Variants in CTU2 observed in about 807,000 individuals in gnomAD.
CTU2 encodes the protein cytosolic thiouridylase subunit 2.
Under a neutral mutation model 64.1 loss-of-function variants are expected in CTU2, and 80 were observed. The ratio of observed to expected loss-of-function variants is 1.25; its 90% CI spans 1.04 to 1.50. The LOEUF (loss-of-function observed/expected upper bound fraction) is 1.50. Ranked by LOEUF, CTU2 falls within the 40% of genes most tolerant of loss-of-function variation. The probability of loss-of-function intolerance (pLI) is 0.00; values close to 1 mark genes in which losing one functional copy is unlikely to be tolerated. For synonymous variants in CTU2, 482 were observed against 285.3 expected, an observed-to-expected ratio of 1.69 and a Z score of -6.95; for missense variants, 1,110 against 690.2, an observed-to-expected ratio of 1.61 and a Z score of -6.81.
chr16:88,714,188 T>A lies in CTU2; in HGVS notation c.1058T>A (p.Leu353Gln). The A allele has an allele frequency of 2.5e-6, 4 of 1,612,624 alleles. No homozygotes were observed. Among genetic ancestry groups the A allele is most frequent in the Non-Finnish European group, 3.4e-6 (4 of 1,179,894 alleles). ...CTGATGGAGGCCTTCATCCTCAGGC[T>A]GCAGACCCAGTTCCCCTCCACTGTC... Reference protein sequence around the residue: ...HRLMEAFILRLQTQFPSTVST... With the variant: ...HRLMEAFILRQQTQFPSTVST... Residue 353 changes from leucine (L) to glutamine (Q), a missense_variant, in exon 10 of 15, where the codon CTG becomes CAG. Transcript: ENST00000453996.
chr16:88,707,237 TG>T lies in CTU2; in HGVS notation c.143+29del, dbSNP rs1478272515. 3.7e-6 allele frequency: 6 copies of T among 1,603,268 alleles called. No homozygotes were observed. In the African/African-American group the frequency reaches 8.0e-5, roughly 21 times the overall value. On this transcript the variant is annotated intron_variant, in intron 2 of 14. Transcript: ENST00000453996. The stretch of plus-strand genomic sequence containing the variant: ...TGAGGCCTGGAGGTGGCTGAGACCC[TG>T]GCAAACATGGCCTCGCTAGCAGACA...
rs757733656 is a variant in CTU2 at position 88,713,372 on chromosome 16, C to T, written c.798C>T (p.Asp266=). Reference sequence around the variant, plus strand: ...GCTACTCCAAGGTCATGACTGGGGACAGCTGCACACGCTTGGCTATCAAGC... The same window carrying T: ...GCTACTCCAAGGTCATGACTGGGGATAGCTGCACACGCTTGGCTATCAAGC... The part of the protein sequence containing the change: ...AHGYSKVMTG[D]SCTRLAIKLM... The change falls in exon 8 of 15, where the codon GAC becomes GAT. Residue 266 remains aspartate, a synonymous_variant. Transcript: ENST00000453996. 3 of 1,604,564 alleles carry T rather than the reference C, an allele frequency of 1.9e-6. No individual in the cohort carries two copies. Among genetic ancestry groups the T allele is most frequent in the Non-Finnish European group, 2.5e-6 (3 of 1,176,836 alleles).
In CTU2 at chr16:88,712,178, G is replaced by A. The variant is rs990548235; in HGVS notation, c.344-96G>A. The A allele has an allele frequency of 1.8e-5, 19 of 1,035,618 alleles. No individual in the cohort carries two copies. The East Asian group carries it at 2.3e-4, about 13-fold the overall frequency. The allele number at this position is 1,035,618 out of a possible 1,614,324, so 64.2% of individuals were successfully genotyped here. A position where few individuals can be genotyped will look rare whatever the true frequency, so the allele number is the denominator to read the frequency against. The stretch of plus-strand genomic sequence containing the variant: ...GCCAGGAAGCACCGCCCTGCGGAGC[G>A]AGGCCTCGAAGGGTTTTCCCAGGTG... On this transcript the variant is annotated intron_variant, in intron 5 of 14. Coordinates refer to ENST00000453996, the MANE Select transcript of CTU2 (RefSeq NM_001012759.3).
rs765186283 is a variant in CTU2, at chr16:88,712,925, C to A, written c.737+20C>A. The A allele has an allele frequency of 2.3e-6, 3 of 1,314,944 alleles. No individual in the cohort carries two copies. Among genetic ancestry groups the A allele is most frequent in the Non-Finnish European group, 3.0e-6 (3 of 1,014,910 alleles). 81.5% of individuals were successfully genotyped at this position (1,314,944 alleles called of 1,614,324 possible). A position where few individuals can be genotyped will look rare whatever the true frequency, so the allele number is the denominator to read the frequency against. On this transcript the variant is annotated intron_variant, in intron 7 of 14. Transcript: ENST00000453996. ...CCTGCGGTGAGGCCCCGAGAGCCCC[C>A]CTTCCCCGGGCCCTGACCCCCACTC...
chr16:88,709,229 C>G (rs971861157), intron 2 of CTU2: 1 of 152,302 alleles, frequency 6.6e-6, no homozygotes, highest in Admixed American at 6.5e-5. Context: ...CTGCAGTGAG[C>G]TATAACTGTG....
rs954349089 is a variant in CTU2, at chr16:88,706,579, C to T, written c.49C>T (p.Pro17Ser). ...DYGEPAPEEP[P>S]PAPRPSREQK... ...CGGGGAGCCGGCGCCTGAGGAGCCG[C>T]CCCCGGCGCCGCGGCCCAGGTAAGA... Residue 17 changes from proline to serine, a missense_variant, in exon 1 of 15, where the codon CCC becomes TCC. Physicochemically the swap from Pro to Ser is moderately conservative, Grantham distance 74. Transcript: ENST00000453996. The T allele has an allele frequency of 5.5e-6, 8 of 1,451,144 alleles. No homozygotes were observed. Among genetic ancestry groups the T allele is most frequent in the East Asian group, 3.0e-5 (1 of 33,278 alleles). The allele number at this position is 1,451,144 out of a possible 1,614,324, so 89.9% of individuals were successfully genotyped here.
In CTU2 at chr16:88,712,603, G is replaced by A. The variant is rs374375342; in HGVS notation, c.454-19G>A. The stretch of plus-strand genomic sequence containing the variant: ...TGCCCGTGTCCCGGGCCTCACTGGC[G>A]TCTCCCTCATCCCGGAAGGTGTTCA... On this transcript the variant is annotated intron_variant, in intron 6 of 14. Transcript: ENST00000453996. The A allele has an allele frequency of 3.6e-5, 57 of 1,604,626 alleles. No homozygotes were observed. The highest frequency in any genetic ancestry group is 1.3e-4 in the African/African-American group (10 of 74,814).
At chr16:88,710,056 C>G in intron 3 of CTU2, 40 bp downstream of exon 3, 1 of 1,603,764 alleles carries the variant, frequency 6.2e-7, no homozygotes, top group Non-Finnish European at 8.5e-7. Context: ...AGCAGCCTGG[C>G]CCCTCGAGGT....
intron 5 of CTU2, chr16:88,712,049 T>G (rs1255847083): frequency 8.8e-6 from 6 of 678,276 alleles, no homozygotes; most frequent in Admixed American, 8.5e-5. Context: ...TCCCCGACCC[T>G]TGCTCCTGCA....
intron 2 of CTU2, among the ~76,000 whole-genome samples, chr16:88,708,457 GGGCGCAGAGGCTCTCCTGGTCCAC>G (rs1302153231): frequency 6.6e-6 from 1 of 152,148 alleles, no homozygotes; most frequent in Non-Finnish European, 1.5e-5. Context: ...TGGTGGTGTA[GGGCGCAGAGGCTCTCCTGGTCCAC>G]AGTGCGGAGG....
At chr16:88,706,694 C>T (rs1910867331) in intron 1 of CTU2, 96 bp downstream of exon 1, 2 of 947,226 alleles carry the variant, frequency 2.1e-6, no homozygotes, top group African/African-American at 1.7e-5. Flanking sequence ...CGGGAAGCCC[C>T]GCGTGGAGAG....
intron 2 of CTU2, among the ~76,000 whole-genome samples, chr16:88,707,807 T>C (rs1357248749): frequency 3.3e-5 from 1 of 30,698 alleles, no homozygotes; most frequent in Non-Finnish European, 7.9e-5. Context: ...TTTGTTGTTG[T>C]TGTTGTTTTT....
rs191989745 is a variant in CTU2, at chr16:88,714,923, C to G, written c.1416C>G (p.Asp472Glu). The G allele has an allele frequency of 1.2e-5, 20 of 1,612,662 alleles. No homozygotes were observed. In the African/African-American group the frequency reaches 1.6e-4, roughly 13 times the overall value. ...ACAGCTGCCGCGTGAACATGAAGGA[C>G]TTGGTGAGTACGTGCCCACCTGTCC... Reference protein sequence around the residue: ...LCYSCRVNMKDLPSLDPLPPY... With the variant: ...LCYSCRVNMKELPSLDPLPPY... Residue 472 changes from aspartate to glutamate, a missense_variant, in exon 13 of 15, where the codon GAC becomes GAG. Physicochemically the swap from Asp to Glu is conservative, Grantham distance 45. Coordinates refer to ENST00000453996, the MANE Select transcript of CTU2 (RefSeq NM_001012759.3).
At position 88,713,743 on chromosome 16, in the gene CTU2, G is replaced by T; in HGVS notation, c.970G>T (p.Val324Phe). 6.2e-7 allele frequency: 1 copy of T among 1,612,690 alleles called. No homozygotes were observed. The highest frequency in any genetic ancestry group is 8.5e-7 in the Non-Finnish European group (1 of 1,179,898). ...EVAFYNRLFSVPSVFTPAVDT... is the reference protein window; with the variant it reads ...EVAFYNRLFSFPSVFTPAVDT... ...CGCTTTCTACAACCGCCTGTTCTCC[G>T]TTCCTTCTGTCTTCACACCAGCCGT... The change falls in exon 9 of 15, where the codon GTT becomes TTT. Residue 324 changes from valine (V) to phenylalanine (F), a missense_variant. By Grantham distance (50) the Val-to-Phe change is conservative. Transcript: ENST00000453996.
In CTU2 at chr16:88,714,427, C is replaced by G; in HGVS notation, c.1142C>G (p.Ala381Gly). 6.2e-7 allele frequency: 1 copy of G among 1,612,514 alleles called. No individual in the cohort carries two copies. Among genetic ancestry groups the G allele is most frequent in the Non-Finnish European group, 8.5e-7 (1 of 1,179,826 alleles). ...LVKGPRDGPA[A>G]GDSGPRCLLC... ...AAGGGCCCCCGGGATGGCCCTGCTG[C>G]TGGCGACTCCGGCCCCCGCTGCCTC... The change falls in exon 11 of 15, where the codon GCT becomes GGT. Residue 381 changes from alanine to glycine, a missense_variant. By Grantham distance (60) the Ala-to-Gly change is moderately conservative (BLOSUM62 0). Coordinates refer to ENST00000453996, the MANE Select transcript of CTU2 (RefSeq NM_001012759.3).
chr16:88,715,387 C>A lies in CTU2; in HGVS notation c.*136C>A, dbSNP rs1454543500. The A allele has an allele frequency of 7.3e-5, 76 of 1,046,036 alleles. No homozygotes were observed. The East Asian group carries it at 1.7e-3, about 23-fold the overall frequency. 64.8% of individuals were successfully genotyped at this position (1,046,036 alleles called of 1,614,324 possible). ...AAACATTTTTTAATTAAAAAAAAAA[C>A]TCTACAGTACACGTGGGGGACGGCA... On this transcript the variant is annotated 3_prime_UTR_variant, in exon 15 of 15. Coordinates refer to ENST00000453996, the MANE Select transcript of CTU2 (RefSeq NM_001012759.3).
chr16:88,710,007 A>G lies in CTU2; in HGVS notation c.213A>G (p.Pro71=), dbSNP rs948973748. 2 of 1,613,824 alleles carry G rather than the reference A, an allele frequency of 1.2e-6. No individual in the cohort carries two copies. The highest frequency in any genetic ancestry group is 1.3e-5 in the African/African-American group (1 of 74,998). The change falls in exon 3 of 15, where the codon CCA becomes CCG. Residue 71 remains proline (P), a synonymous_variant. Coordinates refer to ENST00000453996, the MANE Select transcript of CTU2 (RefSeq NM_001012759.3). ...TGGGCAAGAACCGGCTCATCTTTCC[A>G]GGCGAGAAGGTAGCGTCTGGGTCCT... ...AMLGKNRLIF[P]GEKVLLAWSG...
At chr16:88,712,043 C>A in intron 5 of CTU2, 1 of 668,946 alleles carries the variant, frequency 1.5e-6, no homozygotes, top group South Asian at 1.6e-5. Context: ...GCCGACTCCC[C>A]GACCCTTGCT....
At chr16:88,714,344 C>T in intron 10 of CTU2, 39 bp from the exon 11 acceptor site, 1 of 1,608,392 alleles carries the variant, frequency 6.2e-7, no homozygotes, top group Non-Finnish European at 8.5e-7. Flanking sequence ...GAGCCCCAGC[C>T]CGTGTGATTC....
Sources: allele counts gnomAD v4.1 joint callset (sites outside exome capture counted in the v4.1 genomes callset), GRCh38; gene constraint gnomAD v4.1.1; transcripts MANE v1.5; gene names NCBI Gene and HGNC (gene_info 2026-07-23, HGNC 2026-07-21).